EPB41L2: variants seen among roughly 807,000 people sequenced by gnomAD.
The protein encoded by EPB41L2 is band 4.1-like protein 2.
A neutral mutation model predicts 113.0 loss-of-function variants in EPB41L2; 43 were observed. That is an observed-to-expected ratio of 0.38 (90% confidence interval 0.30 to 0.49). The LOEUF (loss-of-function observed/expected upper bound fraction) is 0.49. Among genes scored for constraint, EPB41L2 ranks in the 20% least tolerant of loss-of-function variants. The pLI, the probability that EPB41L2 is intolerant of heterozygous loss-of-function variation, is 0.95. For missense variants in EPB41L2, 1,147 were observed against 1,223.4 expected (o/e 0.94, Z 0.93); for synonymous variants, 442 against 436.7 (o/e 1.01, Z -0.15).
chr6:130,875,457 T>G (rs1029269699), intron 14 of EPB41L2, among the ~76,000 whole-genome samples: 2 of 152,162 alleles, frequency 1.3e-5, no homozygotes, highest in African/African-American at 4.8e-5. Flanking sequence ...CCTTCCTTCG[T>G]GCTCCCCCTT....
intron 1 of EPB41L2, among the ~76,000 whole-genome samples, chr6:130,969,609 T>A (rs761702737): frequency 2.0e-5 from 3 of 152,238 alleles, no homozygotes; most frequent in African/African-American, 4.8e-5. Flanking sequence ...ATCAAACCAA[T>A]AACCAGACTT....
intron 1 of EPB41L2, among the ~76,000 whole-genome samples, chr6:131,010,574 A>T (rs2128724724): frequency 6.6e-6 from 1 of 151,952 alleles, no homozygotes; most frequent in African/African-American, 2.4e-5. Flanking sequence ...CACCATGCCC[A>T]GCTAATTTTT....
chr6:130,941,556 T>A (rs182128039), intron 3 of EPB41L2, among the ~76,000 whole-genome samples: 4 of 152,368 alleles, frequency 2.6e-5, no homozygotes, highest in African/African-American at 9.6e-5. Flanking sequence ...GACATTTGAT[T>A]CATACAGGCT....
intron 19 of EPB41L2, among the ~76,000 whole-genome samples, chr6:130,854,910 C>T (rs1044181534): frequency 7.2e-5 from 11 of 152,108 alleles, no homozygotes; most frequent in Admixed American, 2.0e-4. Context: ...TGGTGGTGAG[C>T]GCCTGTAGTC....
At chr6:130,979,464 C>T (rs1457743714) in intron 1 of EPB41L2, among the ~76,000 whole-genome samples, 1 of 144,692 alleles carries the variant, frequency 6.9e-6, no homozygotes, top group African/African-American at 2.6e-5. Context: ...CACTGCACTC[C>T]AGCCTGGATG....
chr6:131,029,261 G>C (rs1373721888), intron 1 of EPB41L2, among the ~76,000 whole-genome samples: 18 of 151,894 alleles, frequency 1.2e-4, no homozygotes, highest in Admixed American at 1.2e-3. Context: ...CCTTTAGTGG[G>C]CTATACTTGG....
intron 8 of EPB41L2, among the ~76,000 whole-genome samples, chr6:130,898,254 C>T (rs1217884926): frequency 2.0e-5 from 3 of 151,918 alleles, no homozygotes; most frequent in Non-Finnish European, 4.4e-5. Flanking sequence ...ATAAAGGAAG[C>T]CACTGAGGAG....
rs371525675 is a variant in EPB41L2 at position 130,853,533 on chromosome 6, A to G, written c.*5+4598T>C. Among the ~76,000 whole-genome samples the G allele has an allele frequency of 6.6e-5, 10 of 152,328 alleles. No homozygotes were observed. In the East Asian group the frequency reaches 1.9e-3, roughly 29 times the overall value. ...CCTTGAAAGGACATTAAAAAGTTAC[A>G]AAGATTTAGTGAAGTCCTCATCTGA... On this transcript the variant is annotated intron_variant, in intron 19 of 19. Coordinates refer to ENST00000337057, the MANE Select transcript of EPB41L2 (RefSeq NM_001431.4).
chr6:130,877,802 A>T (rs1285058637), intron 14 of EPB41L2, among the ~76,000 whole-genome samples: 1 of 149,650 alleles, frequency 6.7e-6, no homozygotes, highest in Non-Finnish European at 1.5e-5. Flanking sequence ...TATTAAATAC[A>T]GTATGTTAGT....
intron 1 of EPB41L2, among the ~76,000 whole-genome samples, chr6:131,050,021 A>G (rs900459432): frequency 5.9e-5 from 9 of 152,166 alleles, no homozygotes; most frequent in East Asian, 1.9e-4. Context: ...TACTTGTCAG[A>G]CCCGTGGTAC....
chr6:131,051,133 G>A (rs1335055082), intron 1 of EPB41L2, among the ~76,000 whole-genome samples: 1 of 151,978 alleles, frequency 6.6e-6, no homozygotes, highest in African/African-American at 2.4e-5. Context: ...CTAGGAAGTA[G>A]CTTCTTGACC....
rs35475611 is a variant in EPB41L2, at chr6:130,989,470, G to GAA, written c.-14-32973_-14-32972dup. Among the ~76,000 whole-genome samples, 38 of 150,236 alleles carry GAA rather than the reference G, an allele frequency of 2.5e-4. 1 individual carries two copies. The highest frequency in any genetic ancestry group is 6.6e-4 in the African/African-American group (27 of 40,990). On this transcript the variant is annotated intron_variant, in intron 1 of 19. Transcript: ENST00000337057. ...GATGTATTATGGAATGGGCTGAGTA[G>GAA]AAAAAAAAAATAGCTGCTAAAAGAA...
chr6:131,063,111 C>T (rs1799054850), intron 1 of EPB41L2, 44 bp downstream of exon 1: 1 of 153,138 alleles, frequency 6.5e-6, no homozygotes, highest in Admixed American at 6.5e-5. Flanking sequence ...GACCAGTCGC[C>T]CGGCCCGTGC....
intron 1 of EPB41L2, among the ~76,000 whole-genome samples, chr6:130,998,142 T>G (rs1211202355): frequency 6.6e-6 from 1 of 152,186 alleles, no homozygotes; most frequent in East Asian, 1.9e-4. Context: ...GTAAGGAAAT[T>G]GAGTCTTAGA....
intron 14 of EPB41L2, among the ~76,000 whole-genome samples, chr6:130,875,398 T>C (rs1787184430): frequency 6.6e-6 from 1 of 152,184 alleles, no homozygotes; most frequent in African/African-American, 2.4e-5. Flanking sequence ...ACTGTTAGCA[T>C]GGCCTTTAAG....
chr6:130,964,575 ACATAATAAATT>A lies in EPB41L2; in HGVS notation c.-14-8087_-14-8077del, dbSNP rs1239731745. Among the ~76,000 whole-genome samples the A allele has an allele frequency of 5.3e-5, 8 of 152,192 alleles. No homozygotes were observed. In the East Asian group the frequency reaches 1.3e-3, roughly 26 times the overall value. On this transcript the variant is annotated intron_variant, in intron 1 of 19. Transcript: ENST00000337057. ...TGCTATAATACATAAAGTGCCTGGC[ACATAATAAATT>A]CATAATAAATGATCAGCTACTGTCA...
At chr6:130,932,246 T>C (rs948069318) in intron 3 of EPB41L2, among the ~76,000 whole-genome samples, 5 of 152,100 alleles carry the variant, frequency 3.3e-5, no homozygotes, top group African/African-American at 1.2e-4. Context: ...TAAATTATTA[T>C]GTATGCTCTT....
chr6:130,882,538 G>A (rs1789651399), intron 12 of EPB41L2: 1 of 152,600 alleles, frequency 6.6e-6, no homozygotes. Context: ...CCTCTTCCTC[G>A]AGCTTGTCAT....
chr6:130,889,144 A>T (rs1415695254), intron 11 of EPB41L2, among the ~76,000 whole-genome samples: 1 of 151,952 alleles, frequency 6.6e-6, no homozygotes, highest in African/African-American at 2.4e-5. Flanking sequence ...TAGTAGTAAA[A>T]TACAATTTTC....
Sources: allele counts gnomAD v4.1 joint callset (sites outside exome capture counted in the v4.1 genomes callset), GRCh38; gene constraint gnomAD v4.1.1; transcripts MANE v1.5; gene names NCBI Gene and HGNC (gene_info 2026-07-23, HGNC 2026-07-21).